Variants in EYA2 observed in about 807,000 individuals in gnomAD.
EYA2 encodes the protein protein phosphatase EYA2.
EYA2 carries 31 observed loss-of-function variants against 69.2 expected under a neutral mutation model. That is an observed-to-expected ratio of 0.45 (90% CI 0.34 to 0.60). EYA2 has a LOEUF of 0.60. Among genes scored for constraint, EYA2 ranks in the 20% least tolerant of loss-of-function variants. The probability of loss-of-function intolerance (pLI) is 0.02; values close to 1 mark genes in which losing one functional copy is unlikely to be tolerated. For missense variants in EYA2, 622 were observed against 701.2 expected, an observed-to-expected ratio of 0.89 and a Z score of 1.28; for synonymous variants, 257 against 279.4, an observed-to-expected ratio of 0.92 and a Z score of 0.80.
At position 47,166,147 on chromosome 20, in the gene EYA2, C is replaced by T. The variant is rs541553715; in HGVS notation, c.979-2992C>T. On this transcript the variant is annotated intron_variant, in intron 10 of 15. Transcript: ENST00000327619. ...AGGCACGGTGGCTCATGCCTGCAAT[C>T]TTAGCACTTCGGGAGGCCAAGACTA... 2.0e-5 allele frequency among the ~76,000 whole-genome samples: 3 copies of T among 152,048 alleles called. No homozygotes were observed. In the East Asian group the frequency reaches 5.8e-4, roughly 29 times the overall value.
chr20:47,177,586 A>G (rs1430620167), intron 12 of EYA2, among the ~76,000 whole-genome samples: 2 of 152,270 alleles, frequency 1.3e-5, no homozygotes, highest in Admixed American at 1.3e-4. Context: ...GAAGGCCAGC[A>G]TAGCTGAATA....
At chr20:46,961,191 C>T (rs1408105831) in intron 1 of EYA2, among the ~76,000 whole-genome samples, 7 of 152,160 alleles carry the variant, frequency 4.6e-5, no homozygotes, top group African/African-American at 9.6e-5. Flanking sequence ...AAAAATTAGC[C>T]GGGCGTGGTG....
Position 47,078,331 on chromosome 20 carries a change from G to GCACACA in EYA2, c.661+4023_661+4028dup, listed in dbSNP as rs60383949. On this transcript the variant is annotated intron_variant, in intron 7 of 15. Coordinates refer to ENST00000327619, the MANE Select transcript of EYA2 (RefSeq NM_005244.5). ...CACATGTGCACGTGCGCGCGCGCGC[G>GCACACA]CACACACACACACACACACACACAC... is the stretch of plus-strand genomic sequence containing the variant. Among the ~76,000 whole-genome samples, 960 of 123,804 alleles carry GCACACA rather than the reference G, an allele frequency of 7.8e-3. 6 individuals are homozygous for GCACACA. The highest frequency in any genetic ancestry group is 0.028 in the Middle Eastern group (6 of 218). The allele number at this position is 123,804 out of a possible 152,430, so 81.2% of individuals were successfully genotyped here. A position where few individuals can be genotyped will look rare whatever the true frequency, so the allele number is the denominator to read the frequency against.
Position 47,101,313 on chromosome 20 carries a change from T to G in EYA2, c.888+4145T>G, listed in dbSNP as rs568461755. Among the ~76,000 whole-genome samples, 18 of 152,270 alleles carry G rather than the reference T, an allele frequency of 1.2e-4. No individual in the cohort carries two copies. In the South Asian group the frequency reaches 3.1e-3, roughly 26 times the overall value. On this transcript the variant is annotated intron_variant, in intron 9 of 15. Coordinates refer to ENST00000327619, the MANE Select transcript of EYA2 (RefSeq NM_005244.5). ...TGTTGCCCAGGCTGGTCTCGAACTC[T>G]TGGGCTCAAGTGATTCTCCCACCTC...
At chr20:47,045,979 G>A (rs925186115) in intron 5 of EYA2, among the ~76,000 whole-genome samples, 1 of 152,164 alleles carries the variant, frequency 6.6e-6, no homozygotes, top group African/African-American at 2.4e-5. Context: ...TAACGTCTAA[G>A]TCCATTTGGG....
chr20:47,113,143 G>T (rs2032797143), intron 9 of EYA2, among the ~76,000 whole-genome samples: 1 of 152,064 alleles, frequency 6.6e-6, no homozygotes, highest in African/African-American at 2.4e-5. Flanking sequence ...CAAGTGCTGG[G>T]ATTACAGGTG....
At chr20:47,152,024 A>C (rs1045829291) in intron 10 of EYA2, among the ~76,000 whole-genome samples, 1 of 152,062 alleles carries the variant, frequency 6.6e-6, no homozygotes, top group Non-Finnish European at 1.5e-5. Flanking sequence ...AACGTCGTCC[A>C]TACAAAACAG....
chr20:47,096,753 G>A (rs1040619787), intron 8 of EYA2, among the ~76,000 whole-genome samples: 1 of 152,122 alleles, frequency 6.6e-6, no homozygotes, highest in African/African-American at 2.4e-5. Flanking sequence ...TTAAAATGGT[G>A]GTATTTCATT....
At chr20:47,170,513 G>C (rs564443261) in intron 11 of EYA2, among the ~76,000 whole-genome samples, 1 of 152,130 alleles carries the variant, frequency 6.6e-6, no homozygotes, top group Admixed American at 6.5e-5. Flanking sequence ...CGGGCGTGGT[G>C]GCGGGCGCCT....
intron 10 of EYA2, chr20:47,161,057 G>C: frequency 3.5e-6 from 1 of 288,454 alleles, no homozygotes; most frequent in East Asian, 9.7e-5. Context: ...GTGCAGCTGC[G>C]GCGTAGCAGT....
intron 9 of EYA2, among the ~76,000 whole-genome samples, chr20:47,130,532 T>C (rs1328357946): frequency 2.0e-5 from 3 of 152,006 alleles, no homozygotes; most frequent in Non-Finnish European, 4.4e-5. Context: ...CCCAAAGTGC[T>C]GGGATTACAA....
intron 7 of EYA2, 72 bp from the exon 8 acceptor site, chr20:47,089,167 G>C: frequency 5.7e-6 from 9 of 1,568,770 alleles, no homozygotes; most frequent in Non-Finnish European, 7.8e-6. Context: ...AGACGGTGCT[G>C]TTGGGATATT....
intron 1 of EYA2, among the ~76,000 whole-genome samples, chr20:46,954,750 G>T (rs768190426): frequency 9.2e-5 from 14 of 152,182 alleles, no homozygotes; most frequent in Non-Finnish European, 1.9e-4. Flanking sequence ...TTCTGCTCGA[G>T]ACTGTGAGTT....
At chr20:47,009,833 T>C (rs1480482349) in intron 4 of EYA2, among the ~76,000 whole-genome samples, 1 of 152,260 alleles carries the variant, frequency 6.6e-6, no homozygotes. Context: ...GGCTGGAGTT[T>C]GCTGACCTTT....
chr20:47,141,935 C>T (rs1181372042), intron 9 of EYA2, among the ~76,000 whole-genome samples: 1 of 152,146 alleles, frequency 6.6e-6, no homozygotes, highest in East Asian at 1.9e-4. Context: ...TCTCTTGCTT[C>T]CCAAAATAGA....
chr20:46,911,022 A>G (rs1482350676), intron 1 of EYA2, among the ~76,000 whole-genome samples: 1 of 152,208 alleles, frequency 6.6e-6, no homozygotes, highest in African/African-American at 2.4e-5. Context: ...GTTAGTTACC[A>G]TTTACCGTTG....
intron 1 of EYA2, among the ~76,000 whole-genome samples, chr20:46,902,556 G>T (rs1389587144): frequency 6.6e-6 from 1 of 152,226 alleles, no homozygotes; most frequent in Non-Finnish European, 1.5e-5. Flanking sequence ...TGTCCAGCCT[G>T]CTCCCGTGGT....
At chr20:46,996,095 C>T (rs1349967496) in intron 2 of EYA2, among the ~76,000 whole-genome samples, 2 of 152,180 alleles carry the variant, frequency 1.3e-5, no homozygotes, top group Non-Finnish European at 2.9e-5. Flanking sequence ...ATTTGGCCTA[C>T]GGTAGGTGCA....
chr20:47,047,224 C>G (rs1054549213), intron 5 of EYA2, among the ~76,000 whole-genome samples: 1 of 152,052 alleles, frequency 6.6e-6, no homozygotes, highest in African/African-American at 2.4e-5. Flanking sequence ...GAGCAGTTCC[C>G]CATTAAACGT....
Sources: allele counts gnomAD v4.1 joint callset (sites outside exome capture counted in the v4.1 genomes callset), GRCh38; gene constraint gnomAD v4.1.1; transcripts MANE v1.5; gene names NCBI Gene and HGNC (gene_info 2026-07-23, HGNC 2026-07-21).